ARHGAP25: variants seen among roughly 807,000 people sequenced by gnomAD.
ARHGAP25 encodes Rho GTPase activating protein 25.
In ARHGAP25, 34 loss-of-function variants were observed where a neutral mutation model predicts 71.0. The observed-to-expected ratio is 0.48, with a 90% CI of 0.36 to 0.64. ARHGAP25 has a LOEUF of 0.64. Ranked by LOEUF, ARHGAP25 falls within the 30% of genes least tolerant of loss-of-function variation. The pLI is 0.00. For synonymous variants in ARHGAP25, 282 were observed against 296.5 expected (o/e 0.95, Z 0.50); for missense variants, 706 against 805.1 (o/e 0.88, Z 1.49).
chr2:68,810,200 A>G (rs1680683361), intron 5 of ARHGAP25, among the ~76,000 whole-genome samples: 2 of 152,186 alleles, frequency 1.3e-5, no homozygotes, highest in Non-Finnish European at 2.9e-5. Flanking sequence ...CTCAGAAAAA[A>G]TAATGCTACA....
chr2:68,732,094 G>A (rs547804214), upstream of ARHGAP25, among the ~76,000 whole-genome samples: 1 of 152,336 alleles, frequency 6.6e-6, no homozygotes, highest in South Asian at 2.1e-4. Flanking sequence ...TTTGGGACCA[G>A]GCAAGGCATT....
Position 68,782,323 on chromosome 2 carries a change from A to G in ARHGAP25, c.349+3A>G. 1 of 1,613,918 alleles carries G rather than the reference A, an allele frequency of 6.2e-7. No homozygotes were observed. The highest frequency in any genetic ancestry group is 8.5e-7 in the Non-Finnish European group (1 of 1,179,786). On this transcript the variant is annotated splice_donor_region_variant and intron_variant, in intron 3 of 10. Coordinates refer to ENST00000409202, the MANE Select transcript of ARHGAP25 (RefSeq NM_001007231.3). Reference sequence around the variant, plus strand: ...GTTTGTCTTTGAAATCATTCCAGGTAGGCCACCACAGGTAGGACAGAGGTG... The same window carrying G: ...GTTTGTCTTTGAAATCATTCCAGGTGGGCCACCACAGGTAGGACAGAGGTG...
At position 68,781,224 on chromosome 2, in the gene ARHGAP25, A is replaced by T. The variant is rs537161186; in HGVS notation, c.262-1009A>T. Among the ~76,000 whole-genome samples the T allele has an allele frequency of 5.9e-5, 9 of 151,820 alleles. No individual in the cohort carries two copies. In the East Asian group the frequency reaches 1.4e-3, roughly 23 times the overall value. On this transcript the variant is annotated intron_variant, in intron 2 of 10. Transcript: ENST00000409202. Reference sequence around the variant, plus strand: ...AACACTGTGAAACCCCATCTCCACTAAAAAAAATACAAAAAATTAGCCAGA... The same window carrying T: ...AACACTGTGAAACCCCATCTCCACTTAAAAAAATACAAAAAATTAGCCAGA...
At chr2:68,737,675 CAT>C (rs1675291105) in intron 1 of ARHGAP25, among the ~76,000 whole-genome samples, 1 of 152,278 alleles carries the variant, frequency 6.6e-6, no homozygotes, top group Non-Finnish European at 1.5e-5. Context: ...AATATTAACT[CAT>C]GATTCACTCT....
chr2:68,810,581 G>A (rs1254114496), intron 5 of ARHGAP25, among the ~76,000 whole-genome samples: 2 of 152,100 alleles, frequency 1.3e-5, no homozygotes, highest in Non-Finnish European at 2.9e-5. Flanking sequence ...AGTATCCATG[G>A]TGTAGCTGTA....
intron 4 of ARHGAP25, among the ~76,000 whole-genome samples, chr2:68,805,741 G>A (rs1336030892): frequency 1.3e-5 from 2 of 152,140 alleles, no homozygotes; most frequent in Non-Finnish European, 2.9e-5. Flanking sequence ...GCTCTATACA[G>A]GTGGAATCCA....
chr2:68,821,386 C>A (rs994039671), intron 9 of ARHGAP25, among the ~76,000 whole-genome samples: 1 of 152,136 alleles, frequency 6.6e-6, no homozygotes, highest in Admixed American at 6.5e-5. Context: ...AGGCATCAGC[C>A]GCTGCACCCA....
chr2:68,795,556 A>G (rs1679478964), intron 4 of ARHGAP25, among the ~76,000 whole-genome samples: 1 of 152,054 alleles, frequency 6.6e-6, no homozygotes, highest in Non-Finnish European at 1.5e-5. Flanking sequence ...TTTAGTTTCC[A>G]TGTATTTGTG....
At chr2:68,813,150 T>A (rs1288551863) in intron 5 of ARHGAP25, 137 bp from the exon 6 acceptor site, 3 of 923,584 alleles carry the variant, frequency 3.2e-6, no homozygotes, top group South Asian at 4.4e-5. Flanking sequence ...CTGATTCTTC[T>A]TTATCAGACT....
chr2:68,822,106 C>G (rs562052165), intron 9 of ARHGAP25, among the ~76,000 whole-genome samples: 9 of 152,170 alleles, frequency 5.9e-5, no homozygotes, highest in Admixed American at 5.2e-4. Context: ...GACTCTTTAA[C>G]CACAAACAAA....
upstream of ARHGAP25, among the ~76,000 whole-genome samples, chr2:68,730,059 A>G (rs1158680468): frequency 6.6e-6 from 1 of 152,246 alleles, no homozygotes; most frequent in Non-Finnish European, 1.5e-5. Flanking sequence ...TGTTTTGGAA[A>G]AATGCTTAAT....
At chr2:68,729,245 G>A (rs933343237) in intron 2 of ARHGAP25, among the ~76,000 whole-genome samples, 2 of 152,176 alleles carry the variant, frequency 1.3e-5, no homozygotes, top group African/African-American at 4.8e-5. Context: ...GAATTGCATG[G>A]TATGTGAATT....
Position 68,822,387 on chromosome 2 carries a change from T to C in ARHGAP25, c.1248T>C (p.Asp416=), listed in dbSNP as rs143574274. ...GCCCCACCGGACAGCAGCCGAGCGA[T>C]GCGTTTCCGGAGGACAGCAGCAAAG... ...TTSPTGQQPS[D]AFPEDSSKVP... is the part of the protein sequence containing the mutation. The change falls in exon 10 of 11, where the codon GAT becomes GAC. Residue 416 remains aspartate, a synonymous_variant. Transcript: ENST00000409202. The C allele has an allele frequency of 5.6e-6, 9 of 1,614,112 alleles. No individual in the cohort carries two copies. The highest frequency in any genetic ancestry group is 7.6e-6 in the Non-Finnish European group (9 of 1,180,006).
chr2:68,723,622 G>A (rs867741027), intron 2 of ARHGAP25, among the ~76,000 whole-genome samples: 6 of 152,338 alleles, frequency 3.9e-5, no homozygotes, highest in South Asian at 4.1e-4. Context: ...TAGCTGAGAG[G>A]ATGGGGACTG....
At chr2:68,770,716 C>G (rs1677434469) in intron 1 of ARHGAP25, among the ~76,000 whole-genome samples, 1 of 152,200 alleles carries the variant, frequency 6.6e-6, no homozygotes, top group Non-Finnish European at 1.5e-5. Flanking sequence ...AAATTCAGCA[C>G]CAACAGTCCA....
intron 7 of ARHGAP25, 117 bp downstream of exon 7, chr2:68,816,479 G>T: frequency 1.2e-6 from 1 of 821,086 alleles, no homozygotes; most frequent in Non-Finnish European, 2.0e-6. Flanking sequence ...CACTTTGGAA[G>T]ATCAGCTGTA....
At chr2:68,805,153 G>A (rs1680273508) in intron 4 of ARHGAP25, among the ~76,000 whole-genome samples, 2 of 152,142 alleles carry the variant, frequency 1.3e-5, no homozygotes, top group Non-Finnish European at 2.9e-5. Context: ...GGGGAGAGCA[G>A]ACTGGACAGG....
In ARHGAP25 at chr2:68,742,962, T is replaced by A. The variant is rs112749660; in HGVS notation, c.61+7702T>A. On this transcript the variant is annotated intron_variant, in intron 1 of 10. Transcript: ENST00000409202. ...ATGGCTATTCTTGTTTTCTTCCTTT[T>A]TGCTTTGTTTTGTTTGTCTATTTTT... Among the ~76,000 whole-genome samples the A allele has an allele frequency of 1.2e-3, 185 of 152,348 alleles. 1 individual carries two copies. The highest frequency in any genetic ancestry group is 3.7e-3 in the African/African-American group (154 of 41,580).
chr2:68,792,852 C>A (rs1435447245), intron 4 of ARHGAP25, among the ~76,000 whole-genome samples: 1 of 152,186 alleles, frequency 6.6e-6, no homozygotes, highest in East Asian at 1.9e-4. Flanking sequence ...AATCTCCATA[C>A]TGTTTTCCAT....
Sources: allele counts gnomAD v4.1 joint callset (sites outside exome capture counted in the v4.1 genomes callset), GRCh38; gene constraint gnomAD v4.1.1; transcripts MANE v1.5; gene names NCBI Gene and HGNC (gene_info 2026-07-23, HGNC 2026-07-21).